The following TAOK1 variants were observed in gnomAD, a reference collection of about 807,000 sequenced individuals.
The protein encoded by TAOK1 is serine/threonine-protein kinase TAO1.
In TAOK1, 21 loss-of-function variants were observed where a neutral mutation model predicts 138.3. The ratio of observed to expected loss-of-function variants is 0.15; its 90% CI spans 0.11 to 0.22. The LOEUF is 0.22. TAOK1 is among the 10% of genes least tolerant of loss of function. TAOK1 has a pLI of 1.00. For missense variants in TAOK1, 651 were observed against 1,227.7 expected (o/e 0.53, Z 7.02); for synonymous variants, 361 against 398.4 (o/e 0.91, Z 1.12).
chr17:29,459,806 T>A (rs904833722), intron 2 of TAOK1, among the ~76,000 whole-genome samples: 2 of 152,212 alleles, frequency 1.3e-5, no homozygotes, highest in Non-Finnish European at 2.9e-5. Flanking sequence ...CTATTTCTAG[T>A]GTTTTGGAGA....
At chr17:29,472,521 G>A (rs1444282192) in intron 3 of TAOK1, among the ~76,000 whole-genome samples, 1 of 150,036 alleles carries the variant, frequency 6.7e-6, no homozygotes, top group Non-Finnish European at 1.5e-5. Flanking sequence ...CCAAAGTGTT[G>A]GGATTACAGG....
chr17:29,402,834 C>G (rs1035741107), intron 1 of TAOK1, among the ~76,000 whole-genome samples: 1 of 151,404 alleles, frequency 6.6e-6, no homozygotes, highest in African/African-American at 2.4e-5. Flanking sequence ...GTCACGAGTT[C>G]AAAACCAGCC....
At chr17:29,416,736 G>A (rs1905273734) in intron 1 of TAOK1, among the ~76,000 whole-genome samples, 1 of 152,026 alleles carries the variant, frequency 6.6e-6, no homozygotes, top group Non-Finnish European at 1.5e-5. Context: ...ATTGTATTCA[G>A]TGTCATGTTT....
intron 12 of TAOK1, among the ~76,000 whole-genome samples, chr17:29,501,595 C>G (rs1207477019): frequency 6.6e-6 from 1 of 152,112 alleles, no homozygotes. Context: ...AAGATAGCTC[C>G]ATTGCTTCCA....
intron 1 of TAOK1, among the ~76,000 whole-genome samples, chr17:29,408,657 C>CT (rs141685276): frequency 0.012 from 1,832 of 152,146 alleles, 43 homozygotes; most frequent in African/African-American, 0.041. Flanking sequence ...TCCTAGGCCC[C>CT]TTTGCAGTCT....
chr17:29,522,968 G>A (rs995723366), intron 17 of TAOK1, among the ~76,000 whole-genome samples: 10 of 151,910 alleles, frequency 6.6e-5, no homozygotes, highest in African/African-American at 2.4e-4. Flanking sequence ...CCAGCTACTC[G>A]GGGGGCTGAA....
At chr17:29,408,230 T>TG (rs955633524) in intron 1 of TAOK1, among the ~76,000 whole-genome samples, 22 of 150,014 alleles carry the variant, frequency 1.5e-4, no homozygotes, top group African/African-American at 5.4e-4. Flanking sequence ...AGGTTTTTTT[T>TG]TTTTTTTTTT....
At chr17:29,404,525 C>G (rs1222836140) in intron 1 of TAOK1, among the ~76,000 whole-genome samples, 1 of 152,174 alleles carries the variant, frequency 6.6e-6, no homozygotes, top group Non-Finnish European at 1.5e-5. Flanking sequence ...GGCATGATAT[C>G]TTCCGCCTGT....
At chr17:29,496,541 T>A (rs1760752710) in intron 11 of TAOK1, among the ~76,000 whole-genome samples, 1 of 149,876 alleles carries the variant, frequency 6.7e-6, no homozygotes, top group Non-Finnish European at 1.5e-5. Flanking sequence ...GGCATTCGAC[T>A]GTGTCACCAA....
At chr17:29,395,834 T>TTA in intron 1 of TAOK1, among the ~76,000 whole-genome samples, 1 of 139,352 alleles carries the variant, frequency 7.2e-6, no homozygotes, top group South Asian at 2.3e-4. Flanking sequence ...ATTTTTTTTT[T>TTA]TTTTTTTTTT....
chr17:29,516,223 A>C (rs186948895), intron 15 of TAOK1, among the ~76,000 whole-genome samples: 1 of 152,000 alleles, frequency 6.6e-6, no homozygotes, highest in South Asian at 2.1e-4. Flanking sequence ...TGCCTCCCAA[A>C]GTGCTGGGAT....
At chr17:29,471,959 C>T (rs1237801555) in intron 3 of TAOK1, among the ~76,000 whole-genome samples, 5 of 152,180 alleles carry the variant, frequency 3.3e-5, no homozygotes, top group African/African-American at 1.2e-4. Context: ...CAAGTTTTAT[C>T]ATGAAATTGC....
At chr17:29,427,323 G>A (rs754317645) in intron 1 of TAOK1, among the ~76,000 whole-genome samples, 20 of 152,068 alleles carry the variant, frequency 1.3e-4, no homozygotes, top group Non-Finnish European at 2.8e-4. Context: ...GGCTAGGTGC[G>A]GTGGCTCACG....
At chr17:29,398,164 A>T (rs980424072) in intron 1 of TAOK1, among the ~76,000 whole-genome samples, 1 of 151,894 alleles carries the variant, frequency 6.6e-6, no homozygotes, top group Non-Finnish European at 1.5e-5. Flanking sequence ...CCACAGTACC[A>T]GGCCTGTGGT....
chr17:29,499,667 C>T (rs1205181529), intron 12 of TAOK1, among the ~76,000 whole-genome samples: 2 of 148,828 alleles, frequency 1.3e-5, no homozygotes, highest in Non-Finnish European at 3.0e-5. Flanking sequence ...TCAAGCAATT[C>T]TTGTTCCTCA....
intron 17 of TAOK1, among the ~76,000 whole-genome samples, chr17:29,526,819 TAAAAAAAA>T (rs71138830): frequency 1.4e-4 from 7 of 50,950 alleles, no homozygotes; most frequent in Admixed American, 2.9e-4. Flanking sequence ...TCTCATCTCT[TAAAAAAAA>T]AAAAAAAAAA....
Position 29,495,738 on chromosome 17 carries a change from A to ACAGTT in TAOK1, c.999+11_999+12insCAGTT. The ACAGTT allele has an allele frequency of 6.3e-7, 1 of 1,576,772 alleles. No individual in the cohort carries two copies. The highest frequency in any genetic ancestry group is 1.2e-5 in the South Asian group (1 of 85,604). On this transcript the variant is annotated intron_variant, in intron 11 of 19. Coordinates refer to ENST00000261716, the MANE Select transcript of TAOK1 (RefSeq NM_020791.4). ...CAGGAAGAAGAAGAGGTAAGAGATAAAAAAATGACTCCAATATTGAATTTT... is the reference window on the plus strand; with the variant it reads ...CAGGAAGAAGAAGAGGTAAGAGATAACAGTTAAAAATGACTCCAATATTGAATTTT...
At chr17:29,465,837 CTTTTTT>C (rs3058623) in intron 2 of TAOK1, among the ~76,000 whole-genome samples, 226 of 45,414 alleles carry the variant, frequency 5.0e-3, no homozygotes, top group African/African-American at 0.024. Context: ...AGTTTCTGTG[CTTTTTT>C]TTTTTTTTTT....
At chr17:29,539,075 T>G (rs973155922) in intron 19 of TAOK1, among the ~76,000 whole-genome samples, 11 of 151,892 alleles carry the variant, frequency 7.2e-5, no homozygotes, top group Non-Finnish European at 1.6e-4. Context: ...CTTGGCAACA[T>G]GATGAAACCC....
Sources: gnomAD v4.1 joint callset for allele counts (sites outside exome capture counted in the v4.1 genomes callset) on GRCh38, gnomAD v4.1.1 for gene constraint, MANE v1.5 for transcripts, NCBI Gene and HGNC (gene_info 2026-07-23, HGNC 2026-07-21) for gene names.